The following DNMT3B variants were observed in gnomAD, a reference collection of about 807,000 sequenced individuals.
DNMT3B encodes DNA (cytosine-5)-methyltransferase 3B.
In DNMT3B, 37 loss-of-function variants were observed where a neutral mutation model predicts 120.2. That is an observed-to-expected ratio of 0.31 (90% CI 0.24 to 0.40). The LOEUF (loss-of-function observed/expected upper bound fraction) is 0.40, where lower values mean the gene tolerates loss of function less well. Among genes scored for constraint, DNMT3B ranks in the 10% least tolerant of loss-of-function variants. DNMT3B has a pLI of 1.00. For synonymous variants in DNMT3B, 412 were observed against 442.8 expected (o/e 0.93, Z 0.87); for missense variants, 878 against 1,137.3 (o/e 0.77, Z 3.28).
chr20:32,790,303 G>A (rs1182511650), intron 7 of DNMT3B, among the ~76,000 whole-genome samples: 1 of 152,232 alleles, frequency 6.6e-6, no homozygotes, highest in Non-Finnish European at 1.5e-5. Flanking sequence ...TCAAGTGAAG[G>A]AAGATGGATT....
rs1568838805 is a variant in DNMT3B at position 32,786,639 on chromosome 20, A to G, written c.432+12A>G. 2.5e-6 allele frequency: 4 copies of G among 1,613,674 alleles called. No homozygotes were observed. Among genetic ancestry groups the G allele is most frequent in the Middle Eastern group, 3.3e-4 (2 of 6,062 alleles). On this transcript the variant is annotated intron_variant, in intron 5 of 22. Transcript: ENST00000328111. ...TCCCGGCTACCAGGGTTGGTTCCCC[A>G]GATGCCCAGACCCCTGCCCGCAGTC...
rs1156756115 is a variant in DNMT3B, at chr20:32,795,301, T to C, written c.1127-108T>C. ...TACATTCAGTGTGGACCCCCTGTCA[T>C]GCCCCAATTGCAGCTGGTACCCAGG... is the stretch of plus-strand genomic sequence containing the variant. On this transcript the variant is annotated intron_variant, in intron 10 of 22. Transcript: ENST00000328111. 3 of 1,562,590 alleles carry C rather than the reference T, an allele frequency of 1.9e-6. No individual in the cohort carries two copies. The African/African-American group carries it at 4.1e-5, about 21-fold the overall frequency.
At chr20:32,788,259 C>T (rs1979564423) in intron 6 of DNMT3B, among the ~76,000 whole-genome samples, 1 of 152,118 alleles carries the variant, frequency 6.6e-6, no homozygotes, top group Non-Finnish European at 1.5e-5. Context: ...ATATATTGTA[C>T]GTATGATACC....
chr20:32,791,005 A>G (rs1176037624), intron 7 of DNMT3B, among the ~76,000 whole-genome samples: 1 of 152,098 alleles, frequency 6.6e-6, no homozygotes, highest in Non-Finnish European at 1.5e-5. Flanking sequence ...TTTCTCTCTC[A>G]CTGGCAACTC....
intron 6 of DNMT3B, among the ~76,000 whole-genome samples, chr20:32,788,510 C>T (rs1979595165): frequency 6.6e-6 from 1 of 152,140 alleles, no homozygotes; most frequent in African/African-American, 2.4e-5. Flanking sequence ...CTATGGTGCC[C>T]AGGCTAGTCT....
chr20:32,790,815 C>T (rs1221478906), intron 7 of DNMT3B, among the ~76,000 whole-genome samples: 1 of 152,156 alleles, frequency 6.6e-6, no homozygotes, highest in Admixed American at 6.5e-5. Context: ...TGCAGGTGCA[C>T]ACCACTGTGT....
intron 1 of DNMT3B, among the ~76,000 whole-genome samples, chr20:32,766,595 CTTAT>C (rs1293334371): frequency 6.6e-6 from 1 of 152,054 alleles, no homozygotes; most frequent in African/African-American, 2.4e-5. Flanking sequence ...TTTTTATTTA[CTTAT>C]TTATTTATAT....
At chr20:32,805,247 A>T in intron 20 of DNMT3B, 91 bp from the exon 21 acceptor site, 1 of 1,479,784 alleles carries the variant, frequency 6.8e-7, no homozygotes, top group Non-Finnish European at 9.5e-7. Flanking sequence ...GCCAGGGCAC[A>T]TCTCTGCAAC....
At chr20:32,763,609 T>G (rs1987112692) in intron 1 of DNMT3B, among the ~76,000 whole-genome samples, 1 of 152,210 alleles carries the variant, frequency 6.6e-6, no homozygotes, top group African/African-American at 2.4e-5. Flanking sequence ...GAGGGTGTAT[T>G]GAGCTCCACT....
intron 8 of DNMT3B, among the ~76,000 whole-genome samples, 183 bp downstream of exon 8, chr20:32,791,891 C>T (rs896334591): frequency 6.6e-6 from 1 of 152,186 alleles, no homozygotes; most frequent in Non-Finnish European, 1.5e-5. Flanking sequence ...GGATTTGAGA[C>T]ATCCCAGCTG....
chr20:32,803,454 A>C (rs772897820), intron 20 of DNMT3B, among the ~76,000 whole-genome samples: 1 of 152,234 alleles, frequency 6.6e-6, no homozygotes, highest in East Asian at 1.9e-4. Flanking sequence ...CTAAGCAGCC[A>C]GTCTTAGGGT....
chr20:32,770,508 T>A (rs536497182), intron 1 of DNMT3B, among the ~76,000 whole-genome samples: 2 of 152,158 alleles, frequency 1.3e-5, no homozygotes, highest in South Asian at 4.1e-4. Flanking sequence ...GGTTTCTCCA[T>A]GTTGATCAGG....
intron 7 of DNMT3B, among the ~76,000 whole-genome samples, 157 bp from the exon 8 acceptor site, chr20:32,791,444 C>G (rs1979962361): frequency 6.6e-6 from 1 of 152,154 alleles, no homozygotes; most frequent in South Asian, 2.1e-4. Context: ...TTTTTTCTTT[C>G]CTTCCTTTCA....
At chr20:32,774,693 A>G (rs1011555796) in intron 1 of DNMT3B, among the ~76,000 whole-genome samples, 1 of 151,028 alleles carries the variant, frequency 6.6e-6, no homozygotes, top group Admixed American at 6.6e-5. Flanking sequence ...GGGGTCTCCC[A>G]TGTCTTGTCT....
At chr20:32,762,741 C>T (rs1370699608) in intron 1 of DNMT3B, 42 bp downstream of exon 1, 2 of 159,926 alleles carry the variant, frequency 1.3e-5, no homozygotes, top group African/African-American at 2.4e-5. Flanking sequence ...CCGCCAGCTG[C>T]TTCGAGGGCT....
Position 32,778,390 on chromosome 20 carries a change from C to T in DNMT3B, c.-6-1928C>T, listed in dbSNP as rs146361244. 5.5e-3 allele frequency among the ~76,000 whole-genome samples: 833 copies of T among 151,760 alleles called. 2 individuals are homozygous for T. Among genetic ancestry groups the T allele is most frequent in the Non-Finnish European group, 7.1e-3 (484 of 67,966 alleles). ...AAAAAAAAAAAAAATGAAAACCCTG[C>T]TTCAGGACATCTAGCTTAGTGGTGG... On this transcript the variant is annotated intron_variant, in intron 1 of 22. Coordinates refer to ENST00000328111, the MANE Select transcript of DNMT3B (RefSeq NM_006892.4).
At chr20:32,784,938 TA>T in intron 4 of DNMT3B, 79 bp downstream of exon 4, 2 of 1,376,140 alleles carry the variant, frequency 1.5e-6, no homozygotes, top group Non-Finnish European at 2.1e-6. Context: ...ATACATAGCA[TA>T]GCTCCTTAGG....
intron 1 of DNMT3B, among the ~76,000 whole-genome samples, chr20:32,774,238 C>G (rs1275531165): frequency 6.6e-6 from 1 of 151,140 alleles, no homozygotes; most frequent in Non-Finnish European, 1.5e-5. Context: ...GAGACGGAGT[C>G]TCGCTCTGTC....
chr20:32,801,467 G>T (rs1035502717), intron 19 of DNMT3B, 41 bp downstream of exon 19: 3 of 1,612,774 alleles, frequency 1.9e-6, no homozygotes, highest in South Asian at 1.1e-5. Flanking sequence ...GACAGCCAGG[G>T]CAGGGAAAGC....
Sources: gnomAD v4.1 joint callset for allele counts (sites outside exome capture counted in the v4.1 genomes callset) on GRCh38, gnomAD v4.1.1 for gene constraint, MANE v1.5 for transcripts, NCBI Gene and HGNC (gene_info 2026-07-23, HGNC 2026-07-21) for gene names.